The following NAALADL2 variants were observed in gnomAD, a reference collection of about 807,000 sequenced individuals.
NAALADL2 encodes the protein inactive N-acetylated-alpha-linked acidic dipeptidase-like protein 2.
A neutral mutation model predicts 87.2 loss-of-function variants in NAALADL2; 76 were observed. The observed-to-expected ratio is 0.87, with a 90% CI of 0.72 to 1.05. The LOEUF is 1.05. Ranked by LOEUF, NAALADL2 falls within the 50% of genes least tolerant of loss-of-function variation. The pLI is 0.00. For missense variants in NAALADL2, 1,089 were observed against 945.8 expected (o/e 1.15, Z -1.99); for synonymous variants, 354 against 331.0 (o/e 1.07, Z -0.75).
chr3:175,374,765 C>T (rs1168239544), intron 5 of NAALADL2, among the ~76,000 whole-genome samples: 1 of 151,070 alleles, frequency 6.6e-6, no homozygotes, highest in Non-Finnish European at 1.5e-5. Flanking sequence ...GCCAGCTATT[C>T]AGGAGTCTGG....
intron 2 of NAALADL2, among the ~76,000 whole-genome samples, chr3:175,108,150 G>T (rs1290091201): frequency 6.7e-6 from 1 of 149,130 alleles, no homozygotes; most frequent in Non-Finnish European, 1.5e-5. Context: ...ATGTAGTAAT[G>T]AATTAAATCC....
At chr3:174,582,102 A>C (rs578128757) in intron 2 of NAALADL2, among the ~76,000 whole-genome samples, 54 of 152,302 alleles carry the variant, frequency 3.5e-4, no homozygotes, top group Admixed American at 1.6e-3. Flanking sequence ...AACAGTACAA[A>C]GAGGGAGAGA....
chr3:174,722,656 C>T (rs970313612), intron 2 of NAALADL2, among the ~76,000 whole-genome samples: 8 of 152,198 alleles, frequency 5.3e-5, no homozygotes, highest in African/African-American at 9.6e-5. Flanking sequence ...GAGCCGAGAT[C>T]GTGCCACTGC....
chr3:174,618,409 C>A (rs1259712653), intron 2 of NAALADL2, among the ~76,000 whole-genome samples: 1 of 151,540 alleles, frequency 6.6e-6, no homozygotes, highest in Non-Finnish European at 1.5e-5. Context: ...ACAGTGGGGC[C>A]TTAATTTTTT....
At chr3:175,033,777 T>C (rs1405844228) in intron 1 of NAALADL2, among the ~76,000 whole-genome samples, 2 of 152,148 alleles carry the variant, frequency 1.3e-5, no homozygotes, top group Admixed American at 1.3e-4. Context: ...TCTCACTCCT[T>C]ACGTGGTTTA....
chr3:175,075,969 C>T (rs754878528), intron 1 of NAALADL2, among the ~76,000 whole-genome samples: 5 of 152,006 alleles, frequency 3.3e-5, no homozygotes, highest in Admixed American at 2.6e-4. Context: ...GAGTGGTTCA[C>T]GTAATCCCAG....
At chr3:174,696,087 T>A (rs140080514) in intron 2 of NAALADL2, among the ~76,000 whole-genome samples, 1 of 152,194 alleles carries the variant, frequency 6.6e-6, no homozygotes, top group East Asian at 1.9e-4. Context: ...ATTGCCCTTT[T>A]AATCTACCTT....
At chr3:174,864,819 G>T (rs1328383527) in intron 1 of NAALADL2, among the ~76,000 whole-genome samples, 1 of 151,952 alleles carries the variant, frequency 6.6e-6, no homozygotes, top group African/African-American at 2.4e-5. Flanking sequence ...CAGTTTTTTG[G>T]GGGAGGACTA....
intron 3 of NAALADL2, among the ~76,000 whole-genome samples, chr3:175,238,591 A>G (rs1033863325): frequency 2.0e-5 from 3 of 152,174 alleles, no homozygotes; most frequent in African/African-American, 7.2e-5. Flanking sequence ...CATTTCTTAA[A>G]ACTCAGATTA....
intron 2 of NAALADL2, among the ~76,000 whole-genome samples, chr3:175,206,648 C>T (rs901110166): frequency 3.3e-5 from 5 of 151,952 alleles, no homozygotes; most frequent in African/African-American, 1.2e-4. Context: ...TCTCACAAAT[C>T]ACCACTAAAG....
intron 1 of NAALADL2, among the ~76,000 whole-genome samples, chr3:174,973,882 A>G (rs1744024423): frequency 6.6e-6 from 1 of 152,216 alleles, no homozygotes; most frequent in African/African-American, 2.4e-5. Context: ...AAACATCATC[A>G]TGTGGCATAT....
At chr3:174,833,027 C>T (rs1196075286) in intron 3 of NAALADL2, among the ~76,000 whole-genome samples, 1 of 152,164 alleles carries the variant, frequency 6.6e-6, no homozygotes, top group Non-Finnish European at 1.5e-5. Context: ...TGTATCTACC[C>T]ATTCTACCCC....
intron 4 of NAALADL2, among the ~76,000 whole-genome samples, chr3:175,269,409 C>T (rs1752459455): frequency 6.6e-6 from 1 of 152,188 alleles, no homozygotes. Flanking sequence ...TTGACAGCAG[C>T]ATCACCACAA....
At chr3:175,084,974 C>T (rs752871906) in intron 1 of NAALADL2, among the ~76,000 whole-genome samples, 2 of 152,088 alleles carry the variant, frequency 1.3e-5, no homozygotes, top group Non-Finnish European at 2.9e-5. Flanking sequence ...TACTTTTTCT[C>T]CAAAAGACTC....
chr3:175,496,820 A>C (rs1203321828), intron 9 of NAALADL2, among the ~76,000 whole-genome samples: 1 of 151,480 alleles, frequency 6.6e-6, no homozygotes, highest in African/African-American at 2.4e-5. Context: ...TCGGCCTCCC[A>C]AAGTTCTGGG....
chr3:174,928,309 G>A (rs1278996064), intron 1 of NAALADL2, among the ~76,000 whole-genome samples: 4 of 151,976 alleles, frequency 2.6e-5, no homozygotes, highest in Admixed American at 6.6e-5. Flanking sequence ...ATGCGATCTC[G>A]GCTCACTGCA....
At chr3:174,551,486 T>A (rs889194897) in intron 2 of NAALADL2, 7 of 152,212 alleles carry the variant, frequency 4.6e-5, no homozygotes, top group African/African-American at 1.7e-4. Flanking sequence ...GAGAAAGAGC[T>A]GGATATAGTT....
At chr3:175,669,791 T>G (rs981752951) in intron 11 of NAALADL2, among the ~76,000 whole-genome samples, 2 of 151,954 alleles carry the variant, frequency 1.3e-5, no homozygotes, top group African/African-American at 4.8e-5. Context: ...ATTTAAATAG[T>G]GTATTTCACT....
intron 1 of NAALADL2, among the ~76,000 whole-genome samples, chr3:174,872,419 A>T (rs1476839559): frequency 6.6e-6 from 1 of 152,198 alleles, no homozygotes; most frequent in Non-Finnish European, 1.5e-5. Context: ...TCTGACTCAT[A>T]TAATGATGGT....
Sources: allele counts gnomAD v4.1 joint callset (sites outside exome capture counted in the v4.1 genomes callset), GRCh38; gene constraint gnomAD v4.1.1; transcripts MANE v1.5; gene names NCBI Gene and HGNC (gene_info 2026-07-23, HGNC 2026-07-21).